The following B3GALT1 variants were observed in gnomAD, a reference collection of about 807,000 sequenced individuals.
B3GALT1 encodes beta-1,3-galactosyltransferase 1.
B3GALT1 carries 10 observed loss-of-function variants against 23.2 expected under a neutral mutation model. The observed-to-expected ratio is 0.43, with a 90% CI of 0.27 to 0.73. The LOEUF (loss-of-function observed/expected upper bound fraction) is 0.73, where lower values mean the gene tolerates loss of function less well. Ranked by LOEUF, B3GALT1 falls within the 30% of genes least tolerant of loss-of-function variation. The probability of loss-of-function intolerance (pLI) is 0.21; values close to 1 mark genes in which losing one functional copy is unlikely to be tolerated. For synonymous variants in B3GALT1, 156 were observed against 141.5 expected (o/e 1.10, Z -0.73); for missense variants, 299 against 405.4 (o/e 0.74, Z 2.25).
intron 1 of B3GALT1, among the ~76,000 whole-genome samples, chr2:167,374,402 T>C (rs1160661657): frequency 6.6e-6 from 1 of 152,232 alleles, no homozygotes; most frequent in Non-Finnish European, 1.5e-5. Flanking sequence ...CTGGGTTGAA[T>C]AGTAGTTCTG....
intron 4 of B3GALT1, among the ~76,000 whole-genome samples, chr2:167,836,680 C>G (rs558154201): frequency 1.3e-5 from 2 of 152,062 alleles, no homozygotes; most frequent in African/African-American, 4.8e-5. Context: ...CAGAGAACAC[C>G]ACAAAGATAA....
chr2:167,623,566 C>T (rs1685296346), intron 2 of B3GALT1, among the ~76,000 whole-genome samples: 1 of 151,978 alleles, frequency 6.6e-6, no homozygotes, highest in Non-Finnish European at 1.5e-5. Flanking sequence ...AACACATGGG[C>T]ACAGGGAGGG....
chr2:167,558,102 T>G (rs542697266), intron 2 of B3GALT1: 1 of 152,336 alleles, frequency 6.6e-6, no homozygotes, highest in South Asian at 2.1e-4. Context: ...AGGTGCTCTC[T>G]AATTTTTTAC....
intron 4 of B3GALT1, among the ~76,000 whole-genome samples, chr2:167,850,574 A>G (rs1237714974): frequency 6.6e-6 from 1 of 152,226 alleles, no homozygotes; most frequent in African/African-American, 2.4e-5. Flanking sequence ...AAGTTATATG[A>G]AAAAGATACT....
At chr2:167,821,059 C>A (rs1359428915) in intron 4 of B3GALT1, among the ~76,000 whole-genome samples, 1 of 152,168 alleles carries the variant, frequency 6.6e-6, no homozygotes, top group African/African-American at 2.4e-5. Context: ...AATGCCTTCC[C>A]AAGAGCTAAG....
intron 2 of B3GALT1, among the ~76,000 whole-genome samples, chr2:167,520,836 G>T (rs1558891146): frequency 6.6e-6 from 1 of 152,196 alleles, no homozygotes; most frequent in Non-Finnish European, 1.5e-5. Context: ...CAATGGGTTG[G>T]CACCCATCAA....
intron 3 of B3GALT1, among the ~76,000 whole-genome samples, chr2:167,727,594 C>T (rs763642451): frequency 2.5e-4 from 38 of 152,176 alleles, no homozygotes; most frequent in Non-Finnish European, 5.1e-4. Context: ...ATCCAAATCT[C>T]ATCTAAATAT....
intron 3 of B3GALT1, among the ~76,000 whole-genome samples, chr2:167,784,478 T>A (rs2105322896): frequency 6.6e-6 from 1 of 152,318 alleles, no homozygotes; most frequent in Non-Finnish European, 1.5e-5. Context: ...CTGCAAGAGC[T>A]AAATAAAATG....
intron 4 of B3GALT1, among the ~76,000 whole-genome samples, chr2:167,865,961 C>T (rs116107671): frequency 0.012 from 1,792 of 152,218 alleles, 41 homozygotes; most frequent in African/African-American, 0.041. Context: ...GCTAATCTCT[C>T]AACCCACCCT....
intron 2 of B3GALT1, among the ~76,000 whole-genome samples, chr2:167,522,986 A>C (rs1683120641): frequency 6.6e-6 from 1 of 152,116 alleles, no homozygotes; most frequent in Non-Finnish European, 1.5e-5. Flanking sequence ...CCAAGAGCAT[A>C]GTAGTGTAAG....
At position 167,557,818 on chromosome 2, in the gene B3GALT1, C is replaced by T. The variant is rs551697403; in HGVS notation, c.-410+67541C>T. Among the ~76,000 whole-genome samples, 24 of 152,264 alleles carry T rather than the reference C, an allele frequency of 1.6e-4. 1 individual carries two copies. In the South Asian group the frequency reaches 3.5e-3, roughly 22 times the overall value. ...ACTGGAGACCAAGAAGGGTACTTAG[C>T]GAAATTGCGTCCTGGGAAAGGAAGA... is the stretch of plus-strand genomic sequence containing the variant. On this transcript the variant is annotated intron_variant, in intron 2 of 4. Transcript: ENST00000392690.
chr2:167,507,196 C>T (rs1699931957), intron 2 of B3GALT1, among the ~76,000 whole-genome samples: 1 of 151,974 alleles, frequency 6.6e-6, no homozygotes, highest in Non-Finnish European at 1.5e-5. Context: ...AGTAACAGAT[C>T]TTGGTGAATA....
At chr2:167,662,729 G>A (rs1686082886) in intron 3 of B3GALT1, among the ~76,000 whole-genome samples, 1 of 151,334 alleles carries the variant, frequency 6.6e-6, no homozygotes, top group Admixed American at 6.6e-5. Context: ...GGTCTGTAGG[G>A]CCCCACCTCT....
chr2:167,772,762 CACTA>C (rs1437580078), intron 3 of B3GALT1, among the ~76,000 whole-genome samples: 62 of 152,292 alleles, frequency 4.1e-4, no homozygotes, highest in African/African-American at 1.4e-3. Flanking sequence ...ATGTATGACA[CACTA>C]TGTTATTCTT....
At chr2:167,829,586 C>A (rs1429531558) in intron 4 of B3GALT1, among the ~76,000 whole-genome samples, 1 of 152,118 alleles carries the variant, frequency 6.6e-6, no homozygotes, top group Non-Finnish European at 1.5e-5. Context: ...AGTCTTCCCC[C>A]ACTTATGAGT....
At chr2:167,397,319 A>G (rs1698115204) in intron 1 of B3GALT1, among the ~76,000 whole-genome samples, 1 of 150,782 alleles carries the variant, frequency 6.6e-6, no homozygotes, top group African/African-American at 2.4e-5. Flanking sequence ...CTTCCTTTTT[A>G]AAATTTCTTT....
At chr2:167,307,560 G>A (rs1359576745) in intron 1 of B3GALT1, among the ~76,000 whole-genome samples, 1 of 151,988 alleles carries the variant, frequency 6.6e-6, no homozygotes, top group African/African-American at 2.4e-5. Context: ...TGAAGTCATG[G>A]TGGACAGTGA....
Position 167,667,898 on chromosome 2 carries a change from C to A in B3GALT1, c.-352+20932C>A, listed in dbSNP as rs186407168. On this transcript the variant is annotated intron_variant, in intron 3 of 4. Transcript: ENST00000392690. The stretch of plus-strand genomic sequence containing the variant: ...CTTCTTTGCCTTTGGTTTGAATTTC[C>A]TCCCATAGCTCAGAGTAATTTGATC... 6.0e-4 allele frequency among the ~76,000 whole-genome samples: 91 copies of A among 152,242 alleles called. 2 individuals are homozygous for A. The highest frequency in any genetic ancestry group is 2.0e-3 in the African/African-American group (84 of 41,550).
intron 2 of B3GALT1, among the ~76,000 whole-genome samples, chr2:167,621,705 C>T (rs1685263128): frequency 6.6e-6 from 1 of 151,942 alleles, no homozygotes; most frequent in African/African-American, 2.4e-5. Flanking sequence ...GGAGTGGTTA[C>T]CCCCATGCTG....
Sources: gnomAD v4.1 joint callset for allele counts (sites outside exome capture counted in the v4.1 genomes callset) on GRCh38, gnomAD v4.1.1 for gene constraint, MANE v1.5 for transcripts, NCBI Gene and HGNC (gene_info 2026-07-23, HGNC 2026-07-21) for gene names.